The following ZBTB7C variants were observed in gnomAD, a reference collection of about 807,000 sequenced individuals.
ZBTB7C encodes zinc finger and BTB domain containing 7C.
A neutral mutation model predicts 25.7 loss-of-function variants in ZBTB7C; 8 were observed. That is an observed-to-expected ratio of 0.31 (90% CI 0.18 to 0.56). ZBTB7C has a LOEUF of 0.56. ZBTB7C is among the 20% of genes least tolerant of loss of function. ZBTB7C has a pLI of 0.91. For missense variants in ZBTB7C, 824 were observed against 855.2 expected (o/e 0.96, Z 0.46); for synonymous variants, 394 against 369.0 (o/e 1.07, Z -0.78).
intron 2 of ZBTB7C, among the ~76,000 whole-genome samples, chr18:48,290,888 C>A (rs1406550590): frequency 1.3e-5 from 2 of 152,236 alleles, no homozygotes; most frequent in Non-Finnish European, 2.9e-5. Flanking sequence ...GAACGAAAGT[C>A]AAAATTCCTG....
intron 2 of ZBTB7C, among the ~76,000 whole-genome samples, chr18:48,274,598 T>C (rs1336442401): frequency 6.6e-6 from 1 of 152,192 alleles, no homozygotes; most frequent in Non-Finnish European, 1.5e-5. Context: ...AGTAGCTCAA[T>C]CCAGAAACAT....
intron 2 of ZBTB7C, among the ~76,000 whole-genome samples, chr18:48,188,194 C>G (rs2042110229): frequency 6.6e-6 from 1 of 152,102 alleles, no homozygotes; most frequent in Non-Finnish European, 1.5e-5. Flanking sequence ...GGCCAGGGAG[C>G]CTGTATTAGT....
chr18:48,174,680 G>A (rs1254052087), intron 3 of ZBTB7C, among the ~76,000 whole-genome samples: 5 of 152,328 alleles, frequency 3.3e-5, no homozygotes, highest in South Asian at 2.1e-4. Flanking sequence ...ACATACACAC[G>A]ATGGAGTATT....
At chr18:48,101,931 CCTGT>C (rs1277040739) in intron 3 of ZBTB7C, among the ~76,000 whole-genome samples, 6 of 152,140 alleles carry the variant, frequency 3.9e-5, no homozygotes, top group African/African-American at 1.4e-4. Flanking sequence ...AACCAAGCTG[CCTGT>C]CTAATACCAA....
intron 2 of ZBTB7C, among the ~76,000 whole-genome samples, chr18:48,284,512 G>A (rs1366873007): frequency 1.3e-5 from 2 of 151,954 alleles, no homozygotes; most frequent in Non-Finnish European, 2.9e-5. Context: ...AACATCATCC[G>A]GCTGGGCGTG....
chr18:48,111,758 C>T (rs980306903), intron 3 of ZBTB7C, among the ~76,000 whole-genome samples: 2 of 152,128 alleles, frequency 1.3e-5, no homozygotes, highest in African/African-American at 4.8e-5. Flanking sequence ...AAACAGAAAC[C>T]AAAACATCTA....
intron 2 of ZBTB7C, among the ~76,000 whole-genome samples, chr18:48,214,726 A>G (rs974861588): frequency 2.2e-4 from 34 of 152,216 alleles, no homozygotes; most frequent in Non-Finnish European, 4.7e-4. Context: ...AAGAACCCCA[A>G]TTTTGGGGTT....
intron 2 of ZBTB7C, among the ~76,000 whole-genome samples, chr18:48,218,148 C>A (rs935125579): frequency 6.6e-6 from 1 of 152,116 alleles, no homozygotes; most frequent in African/African-American, 2.4e-5. Context: ...GACCTGGCAG[C>A]GTCCACGTTC....
chr18:48,160,857 G>T (rs544177598), intron 3 of ZBTB7C, among the ~76,000 whole-genome samples: 2 of 151,934 alleles, frequency 1.3e-5, no homozygotes, highest in Non-Finnish European at 2.9e-5. Context: ...TCCCTGAAAG[G>T]CCTCCCCTGT....
chr18:48,357,992 G>A (rs2047015021), intron 1 of ZBTB7C, among the ~76,000 whole-genome samples: 1 of 152,196 alleles, frequency 6.6e-6, no homozygotes, highest in Admixed American at 6.5e-5. Context: ...GAATGGCTTA[G>A]TGCCATCCCC....
chr18:48,170,833 A>AC (rs151071294), intron 3 of ZBTB7C, among the ~76,000 whole-genome samples: 7,473 of 151,248 alleles, frequency 0.049, 269 homozygotes, highest in Non-Finnish European at 0.071. Flanking sequence ...ATGACCGAGA[A>AC]CCCCCCGCCC....
rs115078447 is a variant in ZBTB7C, at chr18:48,070,881, C to T, written c.-16-29758G>A. Among the ~76,000 whole-genome samples, 805 of 152,280 alleles carry T rather than the reference C, an allele frequency of 5.3e-3. 8 individuals are homozygous for T. Among genetic ancestry groups the T allele is most frequent in the African/African-American group, 0.019 (770 of 41,546 alleles). ...TTTTCCCCCTTTCCCCACTGAACTGCCCCTGGGGTCCCAGCCAATCTCAAA... is the reference window on the plus strand; with the variant it reads ...TTTTCCCCCTTTCCCCACTGAACTGTCCCTGGGGTCCCAGCCAATCTCAAA... On this transcript the variant is annotated intron_variant, in intron 3 of 4. Coordinates refer to ENST00000590800, the MANE Select transcript of ZBTB7C (RefSeq NM_001318841.2).
intron 1 of ZBTB7C, among the ~76,000 whole-genome samples, chr18:48,352,386 C>T (rs896779397): frequency 1.7e-4 from 26 of 152,198 alleles, no homozygotes; most frequent in East Asian, 3.9e-4. Context: ...TGGGGGCATC[C>T]GCAGTATTCC....
At chr18:48,290,854 G>C (rs1470565909) in intron 2 of ZBTB7C, among the ~76,000 whole-genome samples, 2 of 152,212 alleles carry the variant, frequency 1.3e-5, no homozygotes, top group East Asian at 3.9e-4. Flanking sequence ...CTTCCACATA[G>C]GTGTTATGTG....
chr18:48,278,856 G>C (rs1407640138), intron 2 of ZBTB7C, among the ~76,000 whole-genome samples: 1 of 152,002 alleles, frequency 6.6e-6, no homozygotes, highest in Non-Finnish European at 1.5e-5. Flanking sequence ...CTGTCAACCA[G>C]CTCCTCACAG....
intron 1 of ZBTB7C, among the ~76,000 whole-genome samples, chr18:48,376,798 G>C (rs1179522645): frequency 6.6e-6 from 1 of 152,222 alleles, no homozygotes; most frequent in Non-Finnish European, 1.5e-5. Flanking sequence ...CTTCAGGGAA[G>C]AGAGCTACCC....
chr18:48,411,735 G>T (rs151131077), upstream of ZBTB7C, among the ~76,000 whole-genome samples: 981 of 152,242 alleles, frequency 6.4e-3, 9 homozygotes, highest in African/African-American at 0.021. Flanking sequence ...GAGGGATGTG[G>T]GCAGTAAATT....
chr18:48,361,461 G>C (rs1214842071), intron 1 of ZBTB7C, among the ~76,000 whole-genome samples: 1 of 152,150 alleles, frequency 6.6e-6, no homozygotes, highest in Non-Finnish European at 1.5e-5. Flanking sequence ...GCTAAACATA[G>C]AAATCTAATG....
chr18:48,124,270 G>T (rs557668995), intron 3 of ZBTB7C, among the ~76,000 whole-genome samples: 1 of 152,226 alleles, frequency 6.6e-6, no homozygotes, highest in African/African-American at 2.4e-5. Context: ...GATGGCAGGC[G>T]GTGGGAATGG....
Sources: gnomAD v4.1 joint callset for allele counts (sites outside exome capture counted in the v4.1 genomes callset) on GRCh38, gnomAD v4.1.1 for gene constraint, MANE v1.5 for transcripts, NCBI Gene and HGNC (gene_info 2026-07-23, HGNC 2026-07-21) for gene names.